Variants in DTHD1 observed in about 807,000 individuals in gnomAD.
DTHD1 encodes death domain-containing protein 1.
In DTHD1, 59 loss-of-function variants were observed where a neutral mutation model predicts 74.8. That is an observed-to-expected ratio of 0.79 (90% CI 0.64 to 0.98). DTHD1 has a LOEUF of 0.98. DTHD1 is among the 50% of genes least tolerant of loss of function. DTHD1 has a pLI of 0.00. For synonymous variants in DTHD1, 365 were observed against 371.1 expected, an observed-to-expected ratio of 0.98 and a Z score of 0.19; for missense variants, 1,051 against 1,065.4, an observed-to-expected ratio of 0.99 and a Z score of 0.19.
intron 2 of DTHD1, 83 bp downstream of exon 2, chr4:36,284,674 C>A: frequency 9.6e-7 from 1 of 1,043,506 alleles, no homozygotes; most frequent in Non-Finnish European, 1.3e-6. Flanking sequence ...TTAGTTCATT[C>A]AGGCTGCTAC....
Position 36,339,127 on chromosome 4 carries a change from A to G in DTHD1, c.2356A>G (p.Asn786Asp), listed in dbSNP as rs1277608336. The stretch of plus-strand genomic sequence containing the variant: ...CCCCCAATAGCATAAGAAATTAATC[A>G]ACCGTCCACAGAGTACCAAAAGAGT... ...LKLPKHKKLI[N>D]RPQSTKRVSK... The change falls in exon 9 of 10, where the codon AAC (asparagine) becomes GAC (aspartate). Residue 786 changes from asparagine (N) to aspartate (D), a missense_variant. By Grantham distance (23) the Asn-to-Asp change is conservative. Transcript: ENST00000639862. 6.5e-7 allele frequency: 1 copy of G among 1,547,984 alleles called. No homozygotes were observed. The highest frequency in any genetic ancestry group is 8.7e-7 in the Non-Finnish European group (1 of 1,144,370).
intron 8 of DTHD1, among the ~76,000 whole-genome samples, chr4:36,332,023 T>G (rs1228925201): frequency 6.6e-6 from 1 of 152,104 alleles, no homozygotes; most frequent in African/African-American, 2.4e-5. Context: ...AGCTCATGCC[T>G]GTAACCTAAG....
intron 9 of DTHD1, among the ~76,000 whole-genome samples, chr4:36,340,125 C>T (rs562626612): frequency 6.6e-6 from 1 of 152,264 alleles, no homozygotes; most frequent in East Asian, 1.9e-4. Flanking sequence ...GATATTTGTC[C>T]TCACATGAAT....
At chr4:36,318,686 C>T (rs1229812647) in intron 8 of DTHD1, among the ~76,000 whole-genome samples, 1 of 141,580 alleles carries the variant, frequency 7.1e-6, no homozygotes, top group Non-Finnish European at 1.5e-5. Flanking sequence ...GCGATCTCGG[C>T]TCACTGCAAG....
intron 8 of DTHD1, among the ~76,000 whole-genome samples, chr4:36,324,443 T>C (rs1758222603): frequency 6.6e-6 from 1 of 152,254 alleles, no homozygotes; most frequent in African/African-American, 2.4e-5. Flanking sequence ...AATTTGATAA[T>C]TAAAATTTCA....
intron 5 of DTHD1, among the ~76,000 whole-genome samples, 181 bp downstream of exon 5, chr4:36,295,220 C>A (rs1418921460): frequency 1.3e-5 from 2 of 151,862 alleles, no homozygotes; most frequent in South Asian, 2.1e-4. Flanking sequence ...GTTATGGATC[C>A]CAAAATTCCT....
chr4:36,338,559 T>C (rs1178746739), intron 8 of DTHD1, among the ~76,000 whole-genome samples: 2 of 151,564 alleles, frequency 1.3e-5, no homozygotes, highest in Non-Finnish European at 2.9e-5. Context: ...TTTTATCTCA[T>C]ATGCTGTCTC....
chr4:36,339,139 A>AGTAC lies in DTHD1; in HGVS notation c.2369_2372dup (p.Lys792TyrfsTer6). The AGTAC allele has an allele frequency of 6.5e-7, 1 of 1,548,248 alleles. No homozygotes were observed. The highest frequency in any genetic ancestry group is 8.7e-7 in the Non-Finnish European group (1 of 1,144,404). ...TAAGAAATTAATCAACCGTCCACAGAGTACCAAAAGAGTTTCTAAGGATCC... is the reference window on the plus strand; with the variant it reads ...TAAGAAATTAATCAACCGTCCACAGAGTACGTACCAAAAGAGTTTCTAAGGATCC... On this transcript the variant is annotated frameshift_variant, in exon 9 of 10. Transcript: ENST00000639862. LOFTEE classifies it high-confidence loss of function.
chr4:36,285,323 A>T (rs1755637215), intron 2 of DTHD1, among the ~76,000 whole-genome samples: 1 of 152,202 alleles, frequency 6.6e-6, no homozygotes, highest in Non-Finnish European at 1.5e-5. Flanking sequence ...TTTTAGCCTC[A>T]GATTCACTTT....
intron 2 of DTHD1, among the ~76,000 whole-genome samples, chr4:36,289,222 T>C (rs1217424268): frequency 6.6e-6 from 1 of 152,100 alleles, no homozygotes. Context: ...AAATGAGAAG[T>C]AGTAAAAAAA....
At chr4:36,311,320 G>A (rs1335812587) in intron 7 of DTHD1, 1 of 152,174 alleles carries the variant, frequency 6.6e-6, no homozygotes, top group Non-Finnish European at 1.5e-5. Context: ...CTGCCTAAGA[G>A]GGAAAAGATC....
chr4:36,346,404 A>G lies in DTHD1; in HGVS notation c.*2580A>G, dbSNP rs550556520. On this transcript the variant is annotated 3_prime_UTR_variant, in exon 10 of 10. Coordinates refer to ENST00000639862, the MANE Select transcript of DTHD1 (RefSeq NM_001170700.3). ...CAGCCACATATACACACCTCTTCACAACACAGATACATTTTTCCCCCAGAA... is the reference window on the plus strand; with the variant it reads ...CAGCCACATATACACACCTCTTCACGACACAGATACATTTTTCCCCCAGAA... 1.3e-5 allele frequency among the ~76,000 whole-genome samples: 2 copies of G among 152,136 alleles called. No individual in the cohort carries two copies. Among genetic ancestry groups the G allele is most frequent in the East Asian group, 3.9e-4 (2 of 5,180 alleles).
At chr4:36,322,823 C>T (rs1483147982) in intron 8 of DTHD1, among the ~76,000 whole-genome samples, 2 of 152,296 alleles carry the variant, frequency 1.3e-5, no homozygotes, top group Non-Finnish European at 2.9e-5. Context: ...CAAGTAAATT[C>T]AGTTCACACT....
intron 9 of DTHD1, 126 bp downstream of exon 9, chr4:36,339,295 A>G (rs1759186481): frequency 1.6e-6 from 1 of 624,438 alleles, no homozygotes; most frequent in Non-Finnish European, 2.6e-6. Context: ...CATTAACTTT[A>G]TTGGCCTAAT....
At chr4:36,324,884 T>C (rs1156244874) in intron 8 of DTHD1, among the ~76,000 whole-genome samples, 2 of 152,156 alleles carry the variant, frequency 1.3e-5, no homozygotes, top group African/African-American at 4.8e-5. Flanking sequence ...GTGAACGCTG[T>C]GGACTGAGGT....
At chr4:36,339,810 C>T (rs1335203003) in intron 9 of DTHD1, among the ~76,000 whole-genome samples, 3 of 152,120 alleles carry the variant, frequency 2.0e-5, no homozygotes, top group East Asian at 1.9e-4. Context: ...TTTGCCCTTA[C>T]GGATTGGTAC....
intron 5 of DTHD1, among the ~76,000 whole-genome samples, chr4:36,301,799 T>C (rs200351550): frequency 1.7e-4 from 3 of 18,082 alleles, no homozygotes; most frequent in Non-Finnish European, 4.2e-4. Flanking sequence ...CATCACTCCC[T>C]TTTTTTTTTT....
In DTHD1 at chr4:36,343,490, T is replaced by C. The variant is rs1213391327; in HGVS notation, c.2399-12T>C. On this transcript the variant is annotated splice_polypyrimidine_tract_variant and intron_variant, in intron 9 of 9. Coordinates refer to ENST00000639862, the MANE Select transcript of DTHD1 (RefSeq NM_001170700.3). ...GGGTCCTAACCGTGAGTGTTCCTCC[T>C]GTGCCTGACAGAAGCCCTTTGGGAT... 5.8e-6 allele frequency: 9 copies of C among 1,548,484 alleles called. No homozygotes were observed. Among genetic ancestry groups the C allele is most frequent in the Non-Finnish European group, 7.9e-6 (9 of 1,145,246 alleles).
intron 2 of DTHD1, among the ~76,000 whole-genome samples, chr4:36,286,155 A>G (rs1032557998): frequency 2.6e-5 from 4 of 152,236 alleles, no homozygotes; most frequent in African/African-American, 9.6e-5. Context: ...TGATAGATCC[A>G]CATGATTTGT....
Sources: gnomAD v4.1 joint callset for allele counts (sites outside exome capture counted in the v4.1 genomes callset) on GRCh38, gnomAD v4.1.1 for gene constraint, MANE v1.5 for transcripts, NCBI Gene and HGNC (gene_info 2026-07-23, HGNC 2026-07-21) for gene names.